Variants in ST3GAL3 observed in about 807,000 individuals in gnomAD.
ST3GAL3 encodes the protein CMP-N-acetylneuraminate-beta-1,4-galactoside alpha-2,3-sialyltransferase.
In ST3GAL3, 21 loss-of-function variants were observed where a neutral mutation model predicts 50.1. The ratio of observed to expected loss-of-function variants is 0.42; its 90% CI spans 0.30 to 0.60. ST3GAL3 has a LOEUF of 0.60. Among genes scored for constraint, ST3GAL3 ranks in the 20% least tolerant of loss-of-function variants. The pLI, the probability that ST3GAL3 is intolerant of heterozygous loss-of-function variation, is 0.19. For missense variants in ST3GAL3, 353 were observed against 489.4 expected (o/e 0.72, Z 2.63); for synonymous variants, 183 against 190.0 (o/e 0.96, Z 0.30).
intron 1 of ST3GAL3, chr1:43,716,391 C>T (rs553062261): frequency 1.3e-5 from 2 of 152,124 alleles, no homozygotes; most frequent in Non-Finnish European, 1.5e-5. Context: ...AAAACTTTTT[C>T]GTGGTGCAGG....
chr1:43,859,224 A>G (rs72888731), intron 5 of ST3GAL3, among the ~76,000 whole-genome samples: 2,244 of 152,254 alleles, frequency 0.015, 45 homozygotes, highest in African/African-American at 0.052. Flanking sequence ...GCCCTGTGAC[A>G]TCTTTGTGGC....
At chr1:43,765,778 TGTGTGTGCGC>T (rs1411025186) in intron 2 of ST3GAL3, among the ~76,000 whole-genome samples, 4,863 of 136,702 alleles carry the variant, frequency 0.036, 227 homozygotes, top group African/African-American at 0.13. Context: ...TGTGTGTGTG[TGTGTGTGCGC>T]GCGCGCGCGC....
Position 43,899,857 on chromosome 1 carries a change from G to A in ST3GAL3, c.744+130G>A, listed in dbSNP as rs783303. The A allele has an allele frequency of 0.86, 814,262 of 948,702 alleles. 351,935 individuals are homozygous for A. Among genetic ancestry groups the A allele is most frequent in the Non-Finnish European group, 0.89 (539,300 of 606,528 alleles). 58.8% of individuals were successfully genotyped at this position (948,702 alleles called of 1,614,324 possible). On this transcript the variant is annotated intron_variant, in intron 9 of 11. Transcript: ENST00000347631. The surrounding 1 kb of genome is among the most constrained non-coding windows in gnomAD (Gnocchi z 5.4). ...AAGGAAACATTAATGACCCAAAGCC[G>A]AAATCACCCAATGGCAACCAGGGGG...
intron 5 of ST3GAL3, among the ~76,000 whole-genome samples, chr1:43,853,159 C>T (rs1002925637): frequency 1.3e-5 from 2 of 152,042 alleles, no homozygotes; most frequent in African/African-American, 2.4e-5. Context: ...AGTTGGTGGC[C>T]AGTAGGGCCA....
chr1:43,889,923 C>G (rs2076472624), intron 5 of ST3GAL3, among the ~76,000 whole-genome samples: 1 of 151,962 alleles, frequency 6.6e-6, no homozygotes, highest in Non-Finnish European at 1.5e-5. Flanking sequence ...TAATTCCCAC[C>G]CTGAGCAATA....
chr1:43,924,089 C>G (rs1004932821), intron 11 of ST3GAL3, among the ~76,000 whole-genome samples: 2 of 152,092 alleles, frequency 1.3e-5, no homozygotes, highest in Non-Finnish European at 2.9e-5. Flanking sequence ...CCAACTACCT[C>G]AAGTGATTGG....
At chr1:43,730,421 A>T (rs368206374) in intron 1 of ST3GAL3, among the ~76,000 whole-genome samples, 4 of 152,204 alleles carry the variant, frequency 2.6e-5, no homozygotes, top group East Asian at 1.9e-4. Flanking sequence ...TCTAAGAGCC[A>T]CTTGCCTTTT....
chr1:43,758,479 C>G (rs909940715), intron 2 of ST3GAL3, among the ~76,000 whole-genome samples: 1 of 152,086 alleles, frequency 6.6e-6, no homozygotes, highest in African/African-American at 2.4e-5. Context: ...TCTTGAACTC[C>G]TGGCCTCAAG....
At chr1:43,835,057 C>T (rs912551147) in intron 4 of ST3GAL3, among the ~76,000 whole-genome samples, 2 of 152,154 alleles carry the variant, frequency 1.3e-5, no homozygotes, top group Non-Finnish European at 2.9e-5. Context: ...AGTGGTAACA[C>T]TCTTCACCCC....
chr1:43,925,791 G>A (rs1281887542), intron 11 of ST3GAL3, among the ~76,000 whole-genome samples: 1 of 152,228 alleles, frequency 6.6e-6, no homozygotes, highest in Non-Finnish European at 1.5e-5. Context: ...GAATCAGGAA[G>A]GTGCCACATC....
intron 11 of ST3GAL3, among the ~76,000 whole-genome samples, chr1:43,925,740 A>C (rs1280933573): frequency 6.6e-6 from 1 of 152,176 alleles, no homozygotes; most frequent in African/African-American, 2.4e-5. Flanking sequence ...AATGCCGGGG[A>C]TATGGAAGGG....
rs1376493414 is a variant in ST3GAL3 at position 43,828,940 on chromosome 1, T to C, written c.210-9279T>C. ...TTTACCCAGTGGAACTGAAAACTTA[T>C]GTCTACACAAAAACCATACATGAAT... is the stretch of plus-strand genomic sequence containing the variant. On this transcript the variant is annotated intron_variant, in intron 4 of 11. Coordinates refer to ENST00000347631, the MANE Select transcript of ST3GAL3 (RefSeq NM_006279.5). Among the ~76,000 whole-genome samples the C allele has an allele frequency of 3.9e-5, 6 of 152,312 alleles. No individual in the cohort carries two copies. The South Asian group carries it at 6.2e-4, about 16-fold the overall frequency.
chr1:43,774,304 A>G (rs898329007), intron 2 of ST3GAL3, among the ~76,000 whole-genome samples: 3 of 152,176 alleles, frequency 2.0e-5, no homozygotes, highest in Non-Finnish European at 2.9e-5. Flanking sequence ...TTCACTGAGC[A>G]CATGGAACTA....
intron 5 of ST3GAL3, among the ~76,000 whole-genome samples, chr1:43,861,207 G>A (rs963469137): frequency 2.6e-5 from 4 of 152,202 alleles, no homozygotes; most frequent in Admixed American, 2.6e-4. Context: ...CCTTGGACAA[G>A]CCCTTAGTCA....
At chr1:43,902,839 C>T (rs1352480315) in intron 9 of ST3GAL3, among the ~76,000 whole-genome samples, 1 of 152,110 alleles carries the variant, frequency 6.6e-6, no homozygotes. Context: ...GAGGTATTCT[C>T]TTTGCAGGCT....
chr1:43,784,759 C>T (rs1241208431), intron 2 of ST3GAL3, among the ~76,000 whole-genome samples: 1 of 152,192 alleles, frequency 6.6e-6, no homozygotes, highest in Non-Finnish European at 1.5e-5. Flanking sequence ...AGCTTCCATT[C>T]ACAGTTGAGT....
At chr1:43,914,401 T>G (rs1489360105) in intron 9 of ST3GAL3, 1 of 151,278 alleles carries the variant, frequency 6.6e-6, no homozygotes, top group African/African-American at 2.4e-5. Context: ...ACAGGGGAGG[T>G]CTCCTTTATC....
chr1:43,795,289 G>A (rs1398776237), intron 3 of ST3GAL3, among the ~76,000 whole-genome samples: 3 of 152,190 alleles, frequency 2.0e-5, no homozygotes, highest in Non-Finnish European at 2.9e-5. Context: ...CAAAGAATGA[G>A]AATTCAGACA....
intron 9 of ST3GAL3, among the ~76,000 whole-genome samples, chr1:43,901,737 C>G (rs900519058): frequency 6.6e-6 from 1 of 152,196 alleles, no homozygotes; most frequent in African/African-American, 2.4e-5. Flanking sequence ...CATCTGTGTC[C>G]GTCCTGGCCA....
Sources: gnomAD v4.1 joint callset for allele counts (sites outside exome capture counted in the v4.1 genomes callset) on GRCh38, gnomAD v4.1.1 for gene constraint, Gnocchi (gnomAD v3.1) non-coding constraint, MANE v1.5 for transcripts, NCBI Gene and HGNC (gene_info 2026-07-23, HGNC 2026-07-21) for gene names.